Variants in C7 observed in about 807,000 individuals in gnomAD.
The protein encoded by C7 is complement C7, also known as complement component C7.
A neutral mutation model predicts 104.8 loss-of-function variants in C7; 83 were observed. The observed-to-expected ratio is 0.79, with a 90% CI of 0.66 to 0.95. The LOEUF is 0.95. C7 is among the 40% of genes least tolerant of loss of function. The pLI is 0.00. For synonymous variants in C7, 415 were observed against 360.6 expected (o/e 1.15, Z -1.71); for missense variants, 1,070 against 1,011.2 (o/e 1.06, Z -0.79).
chr5:40,923,571 C>T (rs1310132795), intron 1 of C7, among the ~76,000 whole-genome samples: 2 of 152,082 alleles, frequency 1.3e-5, no homozygotes, highest in Non-Finnish European at 2.9e-5. Context: ...CATGGTGAAA[C>T]CCTGTCTCTA....
chr5:40,913,837 G>A (rs1739261402), intron 1 of C7, among the ~76,000 whole-genome samples: 1 of 152,026 alleles, frequency 6.6e-6, no homozygotes, highest in Non-Finnish European at 1.5e-5. Flanking sequence ...GTGCCAACAT[G>A]CCTGGTTAAT....
intron 16 of C7, among the ~76,000 whole-genome samples, chr5:40,978,640 TG>T (rs1740870588): frequency 6.6e-6 from 1 of 152,146 alleles, no homozygotes; most frequent in Non-Finnish European, 1.5e-5. Context: ...ATGTAGCTTT[TG>T]GTAGAAAAGG....
chr5:40,931,571 G>A (rs889864871), intron 3 of C7, among the ~76,000 whole-genome samples: 159 of 126,990 alleles, frequency 1.3e-3, no homozygotes, highest in African/African-American at 4.9e-3. Flanking sequence ...CACAAATAGC[G>A]AACAACCATG....
intron 15 of C7, among the ~76,000 whole-genome samples, chr5:40,972,896 T>G (rs1170229741): frequency 1.3e-5 from 2 of 152,240 alleles, no homozygotes; most frequent in Non-Finnish European, 2.9e-5. Flanking sequence ...TTTTAAAATC[T>G]GTTTTTTGTT....
At chr5:40,946,569 T>C (rs1740054380) in intron 7 of C7, among the ~76,000 whole-genome samples, 1 of 152,162 alleles carries the variant, frequency 6.6e-6, no homozygotes, top group African/African-American at 2.4e-5. Flanking sequence ...GCTTAGGAAG[T>C]GTTTAAAAGA....
chr5:40,935,966 C>G (rs900312163), intron 4 of C7, among the ~76,000 whole-genome samples: 1 of 151,702 alleles, frequency 6.6e-6, no homozygotes, highest in Non-Finnish European at 1.5e-5. Context: ...CCAAAAAAAG[C>G]TCAACTTTGT....
At chr5:40,943,489 T>G (rs1561246162) in intron 6 of C7, among the ~76,000 whole-genome samples, 1 of 151,788 alleles carries the variant, frequency 6.6e-6, no homozygotes, top group African/African-American at 2.4e-5. Context: ...AGTGAGAAGA[T>G]GCTGAACTAA....
intron 2 of C7, among the ~76,000 whole-genome samples, chr5:40,930,434 G>A (rs1156350532): frequency 6.6e-6 from 1 of 151,642 alleles, no homozygotes; most frequent in Non-Finnish European, 1.5e-5. Flanking sequence ...TCAAACTCCT[G>A]ATCTCAAGTG....
At chr5:40,964,931 A>G in intron 14 of C7, 58 bp downstream of exon 14, 4 of 1,580,660 alleles carry the variant, frequency 2.5e-6, no homozygotes, top group Non-Finnish European at 2.6e-6. Context: ...AAGAGAATGA[A>G]TCAAGATAAA....
intron 6 of C7, among the ~76,000 whole-genome samples, chr5:40,943,662 T>C (rs1739989735): frequency 6.6e-6 from 1 of 151,340 alleles, no homozygotes; most frequent in African/African-American, 2.4e-5. Context: ...TATGTGTGTA[T>C]GTGTATATGT....
intron 14 of C7, among the ~76,000 whole-genome samples, chr5:40,971,172 C>T (rs1740690958): frequency 6.6e-6 from 1 of 152,164 alleles, no homozygotes; most frequent in African/African-American, 2.4e-5. Flanking sequence ...CCGTCTTCCA[C>T]AATGATTGAA....
intron 1 of C7, among the ~76,000 whole-genome samples, chr5:40,916,131 T>C (rs1392812215): frequency 6.7e-6 from 1 of 149,150 alleles, no homozygotes; most frequent in Admixed American, 6.6e-5. Flanking sequence ...AAATATATAA[T>C]AGAAACTACC....
intron 1 of C7, chr5:40,911,039 C>A (rs999864007): frequency 1.3e-5 from 2 of 151,988 alleles, no homozygotes; most frequent in Non-Finnish European, 2.9e-5. Context: ...ACAAATAAAG[C>A]AATTAATTTT....
chr5:40,959,718 T>G (rs1168139933), intron 12 of C7, 98 bp downstream of exon 12: 2 of 960,404 alleles, frequency 2.1e-6, no homozygotes, highest in Non-Finnish European at 3.0e-6. Context: ...ATTTAGAAGT[T>G]AAATGGCTAT....
rs1739166064 is a variant in C7 at position 40,909,606 on chromosome 5, C to G, written c.-5C>G. ...CTCTCTTCTGCCCTGAATGTTTTCC[C>G]AAACATGAAGGTAAGACAATAAATT... On this transcript the variant is annotated 5_prime_UTR_variant, in exon 1 of 18. Coordinates refer to ENST00000313164, the MANE Select transcript of C7 (RefSeq NM_000587.4). 6.4e-7 allele frequency: 1 copy of G among 1,564,554 alleles called. No homozygotes were observed. The highest frequency in any genetic ancestry group is 1.4e-5 in the African/African-American group (1 of 74,032).
At chr5:40,929,608 A>G (rs1739633844) in intron 2 of C7, among the ~76,000 whole-genome samples, 1 of 152,196 alleles carries the variant, frequency 6.6e-6, no homozygotes, top group South Asian at 2.1e-4. Context: ...CTGGGAATCC[A>G]GAAATCAGGA....
At chr5:40,919,493 G>T (rs1212580222) in intron 1 of C7, among the ~76,000 whole-genome samples, 1 of 152,112 alleles carries the variant, frequency 6.6e-6, no homozygotes, top group Non-Finnish European at 1.5e-5. Context: ...TAGGTGTCAT[G>T]TTATGCACCT....
Position 40,976,779 on chromosome 5 carries a change from T to C in C7, c.2104T>C (p.Cys702Arg), listed in dbSNP as rs769933593. Residue 702 changes from cysteine (C) to arginine (R), a missense_variant, in exon 16 of 18, where the codon TGT (cysteine) becomes CGT (arginine). Transcript: ENST00000313164. ...ENPLTQAVPKCQRWEKLQNSR... is the reference protein window; with the variant it reads ...ENPLTQAVPKRQRWEKLQNSR... ...TCCGTTAACACAGGCAGTGCCTAAATGTCAGCGCTGGGAGAAACTGCAGAA... is the reference window on the plus strand; with the variant it reads ...TCCGTTAACACAGGCAGTGCCTAAACGTCAGCGCTGGGAGAAACTGCAGAA... 6.2e-7 allele frequency: 1 copy of C among 1,604,944 alleles called. No homozygotes were observed. Among genetic ancestry groups the C allele is most frequent in the Non-Finnish European group, 8.5e-7 (1 of 1,175,354 alleles).
At chr5:40,959,860 G>A (rs992618709) in intron 12 of C7, among the ~76,000 whole-genome samples, 6 of 152,172 alleles carry the variant, frequency 3.9e-5, no homozygotes, top group African/African-American at 1.2e-4. Context: ...GAGTGGATAC[G>A]ATCATTCTCA....
Sources: allele counts gnomAD v4.1 joint callset (sites outside exome capture counted in the v4.1 genomes callset), GRCh38; gene constraint gnomAD v4.1.1; transcripts MANE v1.5; gene names NCBI Gene and HGNC (gene_info 2026-07-23, HGNC 2026-07-21).